ERCC2: variants seen among roughly 807,000 people sequenced by gnomAD.
ERCC2 encodes the protein general transcription and DNA repair factor IIH helicase subunit XPD.
In ERCC2, 90 loss-of-function variants were observed where a neutral mutation model predicts 99.4. The observed-to-expected ratio is 0.91, with a 90% CI of 0.76 to 1.08. The LOEUF is 1.08. Among genes scored for constraint, ERCC2 ranks in the 50% least tolerant of loss-of-function variants. The pLI, the probability that ERCC2 is intolerant of heterozygous loss-of-function variation, is 0.00. For synonymous variants in ERCC2, 497 were observed against 432.4 expected (o/e 1.15, Z -1.85); for missense variants, 993 against 1,038.1 (o/e 0.96, Z 0.60).
rs1335547302 is a variant in ERCC2 at position 45,352,065 on chromosome 19, G to A, written c.2190+144C>T. 17 of 992,450 alleles carry A rather than the reference G, an allele frequency of 1.7e-5. No individual in the cohort carries two copies. The East Asian group carries it at 2.1e-4, about 12-fold the overall frequency. 61.5% of individuals were successfully genotyped at this position (992,450 alleles called of 1,614,324 possible). On this transcript the variant is annotated intron_variant, in intron 22 of 22. Coordinates refer to ENST00000391945, the MANE Select transcript of ERCC2 (RefSeq NM_000400.4). ...AATCTCCCCCTTCCCCCCAGAGCCT[G>A]GCACGTAGATGCACGATAAACTTCT...
intron 12 of ERCC2, among the ~76,000 whole-genome samples, chr19:45,360,091 T>G (rs1396992715): frequency 6.6e-6 from 1 of 151,096 alleles, no homozygotes; most frequent in Non-Finnish European, 1.5e-5. Context: ...TTTTCTTTTT[T>G]TTTTTTGAGA....
Position 45,370,526 on chromosome 19 carries a change from C to A in ERCC2, c.5+10G>T. 6.3e-7 allele frequency: 1 copy of A among 1,591,568 alleles called. No individual in the cohort carries two copies. On this transcript the variant is annotated intron_variant, in intron 1 of 22. Transcript: ENST00000391945. ...CCGCTAGCGAGCGCGACCCCCAGCC[C>A]CCTTCTCACTTCATGGCGCCGGCCG... is the stretch of plus-strand genomic sequence containing the variant.
intron 17 of ERCC2, among the ~76,000 whole-genome samples, chr19:45,354,302 A>G (rs1250767132): frequency 6.6e-6 from 1 of 152,078 alleles, no homozygotes; most frequent in Non-Finnish European, 1.5e-5. Context: ...GCTCCTGCAG[A>G]CCCTTGAGAG....
At chr19:45,357,929 A>G in intron 12 of ERCC2, 2 of 601,236 alleles carry the variant, frequency 3.3e-6, no homozygotes, top group South Asian at 1.9e-5. Context: ...TTCACGAAGG[A>G]TCCCAAGTAG....
At chr19:45,363,718 C>T (rs2123284997) in intron 11 of ERCC2, 25 bp downstream of exon 11, 1 of 1,525,066 alleles carries the variant, frequency 6.6e-7, no homozygotes, top group Non-Finnish European at 8.8e-7. Context: ...CGGGCCCCCA[C>T]CCCGCGCGCT....
At position 45,350,612 on chromosome 19, in the gene ERCC2, A is replaced by C. The variant is rs1184456110; in HGVS notation, c.*1017T>G. 8 of 1,612,386 alleles carry C rather than the reference A, an allele frequency of 5.0e-6. No homozygotes were observed. Among genetic ancestry groups the C allele is most frequent in the Non-Finnish European group, 6.8e-6 (8 of 1,179,022 alleles). On this transcript the variant is annotated 3_prime_UTR_variant, in exon 23 of 23. Transcript: ENST00000391945. The stretch of plus-strand genomic sequence containing the variant: ...CGTGGGGACTGCATGGGCCTGGGGG[A>C]CTGAGCAGCATCCCCGGCCCCTCCC...
intron 5 of ERCC2, among the ~76,000 whole-genome samples, chr19:45,366,580 G>T (rs1310868969): frequency 6.6e-6 from 1 of 152,118 alleles, no homozygotes; most frequent in Non-Finnish European, 1.5e-5. Context: ...ACACAGTCTG[G>T]GACTCCCCTT....
At chr19:45,354,956 C>G in intron 16 of ERCC2, 105 bp from the exon 17 acceptor site, 1 of 1,452,674 alleles carries the variant, frequency 6.9e-7, no homozygotes, top group Admixed American at 1.7e-5. Context: ...GCCTGTCAGG[C>G]TTTTCACACA....
In ERCC2 at chr19:45,364,237, G is replaced by C. The variant is rs1972339959; in HGVS notation, c.813C>G (p.Leu271=). The change falls in exon 9 of 23, where the codon CTC becomes CTG. Residue 271 remains leucine, a splice_region_variant and synonymous_variant. Coordinates refer to ENST00000391945, the MANE Select transcript of ERCC2 (RefSeq NM_000400.4). The part of the protein sequence containing the change: ...GNLETLQKTV[L]RIKETDEQRL... ...CCGCCAGACGTCCCCGGCCCCACCT[G>C]AGCACCGTCTTCTGCAGGGTCTCCA... 6.2e-7 allele frequency: 1 copy of C among 1,613,450 alleles called. No individual in the cohort carries two copies. Among genetic ancestry groups the C allele is most frequent in the African/African-American group, 1.3e-5 (1 of 74,932 alleles).
rs560356289 is a variant in ERCC2, at chr19:45,350,669, A to C, written c.*960T>G. 8.1e-6 allele frequency: 13 copies of C among 1,613,532 alleles called. No individual in the cohort carries two copies. Among genetic ancestry groups the C allele is most frequent in the Middle Eastern group, 1.6e-4 (1 of 6,070 alleles). On this transcript the variant is annotated 3_prime_UTR_variant, in exon 23 of 23. Coordinates refer to ENST00000391945, the MANE Select transcript of ERCC2 (RefSeq NM_000400.4). ...CTTCGCCGCAGCAGCTCACTCTCCA[A>C]GATCCGTGAGTCTATCAGGCGAGGA...
At chr19:45,365,742 G>C (rs1433136989) in intron 5 of ERCC2, among the ~76,000 whole-genome samples, 3 of 151,902 alleles carry the variant, frequency 2.0e-5, no homozygotes, top group Non-Finnish European at 4.4e-5. Context: ...AGTGAGCCGA[G>C]ATCATGCCAC....
At chr19:45,351,803 C>T (rs55807028) in intron 22 of ERCC2, 82 bp from the exon 23 acceptor site, 4 of 1,208,808 alleles carry the variant, frequency 3.3e-6, no homozygotes, top group Non-Finnish European at 4.9e-6. Flanking sequence ...AACCACCCCC[C>T]CGAATGGCCA....
Position 45,361,624 on chromosome 19 carries a change from G to A in ERCC2, c.1137C>T (p.Leu379=), listed in dbSNP as rs542578070. Residue 379 remains leucine (L), a synonymous_variant, in exon 12 of 23, where the codon CTC becomes CTT. Coordinates refer to ENST00000391945, the MANE Select transcript of ERCC2 (RefSeq NM_000400.4). ...TCTCCAGAGTATGCAGCAGGGACCG[G>A]AGGCGTTCAGCACAGAATCTGGCGG... ...RKPLRFCAER[L]RSLLHTLEIT... 1 of 1,613,734 alleles carries A rather than the reference G, an allele frequency of 6.2e-7. No homozygotes were observed. Among genetic ancestry groups the A allele is most frequent in the Non-Finnish European group, 8.5e-7 (1 of 1,179,690 alleles).
chr19:45,351,248 TCAC>T lies in ERCC2; in HGVS notation c.*378_*380del, dbSNP rs770196252. 1 of 691,750 alleles carries T rather than the reference TCAC, an allele frequency of 1.4e-6. No homozygotes were observed. 42.9% of individuals were successfully genotyped at this position (691,750 alleles called of 1,614,324 possible). A position where few individuals can be genotyped will look rare whatever the true frequency, so the allele number is the denominator to read the frequency against. On this transcript the variant is annotated 3_prime_UTR_variant, in exon 23 of 23. Transcript: ENST00000391945. ...GGAGGGTGGATGTAACACTTGCCCC[TCAC>T]CTCCCCTCCAACCATCCCCTGTGCC...
chr19:45,355,640 GA>G, intron 16 of ERCC2, 24 bp downstream of exon 16: 3 of 1,610,354 alleles, frequency 1.9e-6, no homozygotes, highest in Non-Finnish European at 2.5e-6. Context: ...GGAACCCACA[GA>G]AACCAGCCCC....
Position 45,357,784 on chromosome 19 carries a change from C to T in ERCC2, c.1238-85G>A, listed in dbSNP as rs1055292032. 4.6e-5 allele frequency: 56 copies of T among 1,215,520 alleles called. No individual in the cohort carries two copies. In the Admixed American group the frequency reaches 5.0e-4, roughly 11 times the overall value. 75.3% of individuals were successfully genotyped at this position (1,215,520 alleles called of 1,614,324 possible). ...TCAGTCATTCCCTCTCCTGCTCCCT[C>T]GCTTCACCCCAATCTCCACCCCGTA... On this transcript the variant is annotated intron_variant, in intron 12 of 22. Coordinates refer to ENST00000391945, the MANE Select transcript of ERCC2 (RefSeq NM_000400.4).
rs1386540605 is a variant in ERCC2, at chr19:45,351,298, C to T, written c.*331G>A. ...TGCCTGTCTCCAGTTTCCCAGCTGGCACCTGGACAAGGCCCCTCGGACCCT... is the reference window on the plus strand; with the variant it reads ...TGCCTGTCTCCAGTTTCCCAGCTGGTACCTGGACAAGGCCCCTCGGACCCT... On this transcript the variant is annotated 3_prime_UTR_variant, in exon 23 of 23. Coordinates refer to ENST00000391945, the MANE Select transcript of ERCC2 (RefSeq NM_000400.4). The T allele has an allele frequency of 3.1e-6, 5 of 1,612,534 alleles. No individual in the cohort carries two copies. In the African/African-American group the frequency reaches 4.0e-5, roughly 13 times the overall value.
chr19:45,361,384 C>A, intron 12 of ERCC2, 140 bp downstream of exon 12: 1 of 739,334 alleles, frequency 1.4e-6, no homozygotes, highest in Non-Finnish European at 2.5e-6. Context: ...TGGCTCCCCA[C>A]TGCCTTCAAA....
intron 22 of ERCC2, among the ~76,000 whole-genome samples, 192 bp downstream of exon 22, chr19:45,352,017 C>T (rs1971813257): frequency 6.6e-6 from 1 of 152,084 alleles, no homozygotes; most frequent in Non-Finnish European, 1.5e-5. Context: ...CCTGGGCCAC[C>T]TGCTGGCATC....
Sources: gnomAD v4.1 joint callset for allele counts (sites outside exome capture counted in the v4.1 genomes callset) on GRCh38, gnomAD v4.1.1 for gene constraint, MANE v1.5 for transcripts, NCBI Gene and HGNC (gene_info 2026-07-23, HGNC 2026-07-21) for gene names.